The following SCAPER variants were observed in gnomAD, a reference collection of about 807,000 sequenced individuals.
SCAPER encodes the protein S-phase cyclin A associated protein in the ER.
SCAPER carries 98 observed loss-of-function variants against 182.2 expected under a neutral mutation model. The ratio of observed to expected loss-of-function variants is 0.54; its 90% CI spans 0.46 to 0.64. SCAPER has a LOEUF of 0.64. SCAPER is among the 30% of genes least tolerant of loss of function. The pLI, the probability that SCAPER is intolerant of heterozygous loss-of-function variation, is 0.00. For missense variants in SCAPER, 1,432 were observed against 1,690.0 expected (o/e 0.85, Z 2.68); for synonymous variants, 605 against 564.6 (o/e 1.07, Z -1.01).
intron 23 of SCAPER, among the ~76,000 whole-genome samples, chr15:76,535,493 G>A (rs1455864872): frequency 8.3e-6 from 1 of 119,994 alleles, no homozygotes; most frequent in Non-Finnish European, 1.6e-5. Context: ...TTGCACTCCA[G>A]CCTGGGCGAC....
chr15:76,894,907 GAGA>G lies in SCAPER; in HGVS notation c.-60+10389_-60+10391del, dbSNP rs567690028. Among the ~76,000 whole-genome samples the G allele has an allele frequency of 1.6e-3, 247 of 152,138 alleles. 1 individual carries two copies. Among genetic ancestry groups the G allele is most frequent in the Non-Finnish European group, 2.8e-3 (187 of 67,986 alleles). ...ATTTTTTAATAAAAAACTCACAAAA[GAGA>G]AGAACCTAGGACCTCATGGCTTCAC... On this transcript the variant is annotated intron_variant, in intron 1 of 31. Transcript: ENST00000563290.
At chr15:76,482,201 T>C (rs2051201925) in intron 24 of SCAPER, among the ~76,000 whole-genome samples, 1 of 152,216 alleles carries the variant, frequency 6.6e-6, no homozygotes, top group African/African-American at 2.4e-5. Flanking sequence ...ATTTGTTAGA[T>C]GAAATAATTT....
chr15:76,538,696 C>G (rs2044437114), intron 23 of SCAPER, among the ~76,000 whole-genome samples: 1 of 146,934 alleles, frequency 6.8e-6, no homozygotes, highest in Admixed American at 7.0e-5. Flanking sequence ...TGCACATGTA[C>G]CCTAAAACTT....
intron 23 of SCAPER, among the ~76,000 whole-genome samples, chr15:76,512,080 G>T (rs1185809420): frequency 6.6e-6 from 1 of 151,352 alleles, no homozygotes; most frequent in Non-Finnish European, 1.5e-5. Context: ...TAGAGACGGG[G>T]TTTCACCATG....
intron 26 of SCAPER, among the ~76,000 whole-genome samples, chr15:76,427,091 G>A (rs1187450732): frequency 2.0e-5 from 3 of 152,170 alleles, no homozygotes; most frequent in Non-Finnish European, 4.4e-5. Context: ...AAATGTAAAT[G>A]TAAAACCTGA....
chr15:76,804,780 C>A, intron 5 of SCAPER, 147 bp from the exon 6 acceptor site: 1 of 478,616 alleles, frequency 2.1e-6, no homozygotes, highest in Non-Finnish European at 3.6e-6. Flanking sequence ...TTTTTTTTTT[C>A]ATTCTGTTTG....
chr15:76,664,713 G>A (rs1447011715), intron 21 of SCAPER, among the ~76,000 whole-genome samples: 1 of 152,056 alleles, frequency 6.6e-6, no homozygotes. Flanking sequence ...TAGAAATGAA[G>A]GTCAGTAATG....
At chr15:76,418,175 A>T (rs962659016) in intron 26 of SCAPER, among the ~76,000 whole-genome samples, 6 of 152,188 alleles carry the variant, frequency 3.9e-5, no homozygotes, top group Admixed American at 3.9e-4. Context: ...GAAGAAGTAC[A>T]TTGGATAATA....
chr15:76,493,854 A>G (rs1216319956), intron 24 of SCAPER, among the ~76,000 whole-genome samples: 1 of 152,224 alleles, frequency 6.6e-6, no homozygotes, highest in Non-Finnish European at 1.5e-5. Flanking sequence ...CTTTTGAGAC[A>G]TAAACAAAAT....
intron 2 of SCAPER, among the ~76,000 whole-genome samples, chr15:76,865,818 AT>A (rs1454782378): frequency 6.6e-6 from 1 of 152,126 alleles, no homozygotes; most frequent in Non-Finnish European, 1.5e-5. Context: ...TACGTCTTTA[AT>A]GTAAACATCC....
At chr15:76,846,588 C>T (rs1197713428) in intron 4 of SCAPER, among the ~76,000 whole-genome samples, 3 of 152,032 alleles carry the variant, frequency 2.0e-5, no homozygotes, top group African/African-American at 4.8e-5. Flanking sequence ...GGCAAACAGG[C>T]ATATGAAAAG....
chr15:76,833,007 C>T (rs1257218503), intron 5 of SCAPER, among the ~76,000 whole-genome samples: 1 of 152,150 alleles, frequency 6.6e-6, no homozygotes, highest in Non-Finnish European at 1.5e-5. Context: ...TCACTAGACA[C>T]ATCAACATGC....
At chr15:76,875,419 G>A (rs533726990) in intron 2 of SCAPER, among the ~76,000 whole-genome samples, 31 of 152,226 alleles carry the variant, frequency 2.0e-4, no homozygotes, top group Middle Eastern at 3.4e-3. Flanking sequence ...CAAAGTAGGC[G>A]GATCACTTGA....
chr15:76,674,914 T>A (rs1009642330), intron 20 of SCAPER, among the ~76,000 whole-genome samples: 1 of 152,192 alleles, frequency 6.6e-6, no homozygotes, highest in African/African-American at 2.4e-5. Flanking sequence ...CACTAGATGA[T>A]TGTGACAAGT....
At chr15:76,736,397 T>G (rs2061267515) in intron 15 of SCAPER, among the ~76,000 whole-genome samples, 1 of 152,218 alleles carries the variant, frequency 6.6e-6, no homozygotes, top group Non-Finnish European at 1.5e-5. Context: ...GCCACATTGA[T>G]GGACTCTTCC....
chr15:76,871,425 A>AC (rs2072722848), intron 2 of SCAPER, among the ~76,000 whole-genome samples: 1 of 150,272 alleles, frequency 6.7e-6, no homozygotes, highest in African/African-American at 2.4e-5. Context: ...AAAAAAAAAA[A>AC]CCTAATAAAA....
chr15:76,572,318 A>G (rs2047488222), intron 23 of SCAPER, among the ~76,000 whole-genome samples: 1 of 152,202 alleles, frequency 6.6e-6, no homozygotes, highest in Non-Finnish European at 1.5e-5. Flanking sequence ...TAATCAGTAT[A>G]TAAATAATTT....
intron 27 of SCAPER, among the ~76,000 whole-genome samples, chr15:76,391,220 C>A (rs758832407): frequency 6.6e-6 from 1 of 152,182 alleles, no homozygotes; most frequent in Non-Finnish European, 1.5e-5. Flanking sequence ...TGCCTGGTTC[C>A]GTCTTAGCTT....
At chr15:76,747,162 C>G (rs60921565) in intron 15 of SCAPER, among the ~76,000 whole-genome samples, 1 of 152,072 alleles carries the variant, frequency 6.6e-6, no homozygotes, top group African/African-American at 2.4e-5. Flanking sequence ...TAAGGACAGA[C>G]ATACAGACTG....
Sources: gnomAD v4.1 joint callset for allele counts (sites outside exome capture counted in the v4.1 genomes callset) on GRCh38, gnomAD v4.1.1 for gene constraint, MANE v1.5 for transcripts, NCBI Gene and HGNC (gene_info 2026-07-23, HGNC 2026-07-21) for gene names.